Variants in LRRIQ1 observed in about 807,000 individuals in gnomAD.
LRRIQ1 encodes the protein leucine rich repeats and IQ motif containing 1.
A neutral mutation model predicts 211.9 loss-of-function variants in LRRIQ1; 210 were observed. The observed-to-expected ratio is 0.99, with a 90% CI of 0.89 to 1.11. LRRIQ1 has a LOEUF of 1.11. LRRIQ1 is among the 50% of genes most tolerant of loss of function. LRRIQ1 has a pLI of 0.00. For missense variants in LRRIQ1, 2,136 were observed against 1,939.5 expected (o/e 1.10, Z -1.90); for synonymous variants, 699 against 650.1 (o/e 1.08, Z -1.14).
chr12:85,129,394 T>G (rs977004277), intron 18 of LRRIQ1, among the ~76,000 whole-genome samples: 4 of 149,010 alleles, frequency 2.7e-5, no homozygotes, highest in African/African-American at 9.7e-5. Context: ...TTTCCCTTTA[T>G]TCATTCAGCA....
chr12:85,042,617 A>C (rs1039444870), intron 3 of LRRIQ1, among the ~76,000 whole-genome samples: 6 of 150,410 alleles, frequency 4.0e-5, no homozygotes. Context: ...TCTTATATGA[A>C]TTATTTAATT....
chr12:85,058,348 G>A (rs369750255), intron 8 of LRRIQ1, among the ~76,000 whole-genome samples: 5 of 151,818 alleles, frequency 3.3e-5, no homozygotes, highest in Admixed American at 2.0e-4. Context: ...TTTTCCTTGC[G>A]CATGTTATCT....
At chr12:85,097,443 GT>G (rs1186665725) in intron 11 of LRRIQ1, among the ~76,000 whole-genome samples, 1 of 148,474 alleles carries the variant, frequency 6.7e-6, no homozygotes, top group East Asian at 2.0e-4. Context: ...AGTGTGTGAT[GT>G]TCCCCCCGCT....
intron 19 of LRRIQ1, among the ~76,000 whole-genome samples, chr12:85,149,162 C>G (rs544589928): frequency 6.6e-6 from 1 of 151,942 alleles, no homozygotes; most frequent in Admixed American, 6.6e-5. Flanking sequence ...TAATTAGATC[C>G]CGTTTGTGAA....
chr12:85,089,601 G>C (rs1476231153), intron 11 of LRRIQ1, among the ~76,000 whole-genome samples: 1 of 152,194 alleles, frequency 6.6e-6, no homozygotes, highest in South Asian at 2.1e-4. Context: ...CCTAGTGATT[G>C]TTGGGCATTT....
At chr12:85,125,084 C>G (rs1592842953) in intron 17 of LRRIQ1, among the ~76,000 whole-genome samples, 1 of 151,946 alleles carries the variant, frequency 6.6e-6, no homozygotes, top group East Asian at 1.9e-4. Context: ...GAGGCTGAGG[C>G]AGGAGAATGG....
At chr12:85,251,167 G>A (rs1895933681) in intron 1 of LRRIQ1, among the ~76,000 whole-genome samples, 2 of 150,218 alleles carry the variant, frequency 1.3e-5, no homozygotes, top group South Asian at 2.1e-4. Context: ...TGAAGTCCAA[G>A]TATTATTTAT....
At chr12:85,094,635 T>C (rs545047842) in intron 11 of LRRIQ1, among the ~76,000 whole-genome samples, 2 of 152,294 alleles carry the variant, frequency 1.3e-5, no homozygotes, top group African/African-American at 4.8e-5. Flanking sequence ...ATAGTTTTTT[T>C]TCTAATTCTA....
intron 15 of LRRIQ1, among the ~76,000 whole-genome samples, chr12:85,107,931 C>A (rs573791946): frequency 6.6e-6 from 1 of 152,126 alleles, no homozygotes; most frequent in South Asian, 2.1e-4. Context: ...CTTTCTGGAA[C>A]CTTCTGGAAC....
downstream of LRRIQ1, among the ~76,000 whole-genome samples, chr12:85,269,110 GA>G (rs1319999608): frequency 6.6e-6 from 1 of 151,920 alleles, no homozygotes; most frequent in African/African-American, 2.4e-5. Flanking sequence ...ATGGAGAGTA[GA>G]ACAAACCAAG....
chr12:85,195,596 G>A (rs1442586375), intron 24 of LRRIQ1, among the ~76,000 whole-genome samples: 5 of 151,942 alleles, frequency 3.3e-5, no homozygotes, highest in Non-Finnish European at 5.9e-5. Flanking sequence ...CTCAATAGAT[G>A]CAGAAAAAGC....
intron 11 of LRRIQ1, among the ~76,000 whole-genome samples, chr12:85,079,987 A>C (rs1884098794): frequency 6.6e-6 from 1 of 152,108 alleles, no homozygotes; most frequent in East Asian, 1.9e-4. Context: ...AAGAATATCT[A>C]TTAGTATTTC....
chr12:85,212,375 G>T (rs995990841), intron 24 of LRRIQ1, among the ~76,000 whole-genome samples: 1 of 152,076 alleles, frequency 6.6e-6, no homozygotes, highest in African/African-American at 2.4e-5. Flanking sequence ...TCTAGGCAAA[G>T]AAAGGCACTA....
chr12:85,245,205 A>G, downstream of LRRIQ1: 1 of 341,174 alleles, frequency 2.9e-6, no homozygotes, highest in African/African-American at 2.2e-5. Flanking sequence ...TAATTCTAAA[A>G]GAATTTTTTA....
At chr12:85,119,641 T>C (rs1309739722) in intron 15 of LRRIQ1, among the ~76,000 whole-genome samples, 1 of 152,144 alleles carries the variant, frequency 6.6e-6, no homozygotes, top group East Asian at 1.9e-4. Context: ...CGAATGTGAG[T>C]TTCTCTTGCT....
chr12:85,124,443 A>G lies in LRRIQ1; in HGVS notation c.3931A>G (p.Arg1311Gly), dbSNP rs1448634325. ...DSKASSIPTI[R>G]IPFKEVVMTN... ...CAAGGCAAGCAGTATTCCCACCATA[A>G]GAATCCCATTTAAGGAAGTAGTAAT... The change falls in exon 17 of 27, where the codon AGA becomes GGA. Residue 1311 changes from arginine to glycine, a missense_variant. Arg to Gly is a moderately radical substitution (Grantham distance 125). Coordinates refer to ENST00000393217, the MANE Select transcript of LRRIQ1 (RefSeq NM_001079910.2). 6.2e-7 allele frequency: 1 copy of G among 1,613,976 alleles called. No individual in the cohort carries two copies. Among genetic ancestry groups the G allele is most frequent in the Admixed American group, 1.7e-5 (1 of 60,020 alleles).
intron 18 of LRRIQ1, among the ~76,000 whole-genome samples, chr12:85,130,114 T>C (rs1444514429): frequency 2.0e-5 from 3 of 152,202 alleles, no homozygotes; most frequent in Non-Finnish European, 4.4e-5. Flanking sequence ...GCTCTTAATA[T>C]TAAAGACATA....
chr12:85,083,028 A>G (rs569995091), intron 11 of LRRIQ1, among the ~76,000 whole-genome samples: 1 of 152,226 alleles, frequency 6.6e-6, no homozygotes, highest in East Asian at 1.9e-4. Context: ...TTATTTTTTA[A>G]ATGAGATTTT....
intron 13 of LRRIQ1, among the ~76,000 whole-genome samples, chr12:85,102,724 G>T (rs905856113): frequency 2.0e-4 from 31 of 151,222 alleles, no homozygotes; most frequent in East Asian, 9.8e-4. Flanking sequence ...GTTGTTGTTG[G>T]TGGTGGTGTT....
Sources: allele counts gnomAD v4.1 joint callset (sites outside exome capture counted in the v4.1 genomes callset), GRCh38; gene constraint gnomAD v4.1.1; transcripts MANE v1.5; gene names NCBI Gene and HGNC (gene_info 2026-07-23, HGNC 2026-07-21).